Variants in NWD2 observed in about 807,000 individuals in gnomAD.
NWD2 encodes NACHT and WD repeat domain containing 2, also known as NACHT and WD repeat domain-containing protein 2.
In NWD2, 37 loss-of-function variants were observed where a neutral mutation model predicts 132.7. The ratio of observed to expected loss-of-function variants is 0.28; its 90% CI spans 0.21 to 0.37. The LOEUF (loss-of-function observed/expected upper bound fraction) is 0.37, where lower values mean the gene tolerates loss of function less well. Ranked by LOEUF, NWD2 falls within the 10% of genes least tolerant of loss-of-function variation. The pLI is 1.00. For missense variants in NWD2, 1,592 were observed against 2,122.4 expected, an observed-to-expected ratio of 0.75 and a Z score of 4.91; for synonymous variants, 705 against 803.0, an observed-to-expected ratio of 0.88 and a Z score of 2.06.
chr4:37,429,147 A>C (rs1712100097), intron 3 of NWD2, among the ~76,000 whole-genome samples: 1 of 152,230 alleles, frequency 6.6e-6, no homozygotes, highest in African/African-American at 2.4e-5. Context: ...TAAATGACCT[A>C]TGTAAATTTA....
intron 1 of NWD2, among the ~76,000 whole-genome samples, chr4:37,296,647 A>G (rs752487594): frequency 6.6e-6 from 1 of 152,122 alleles, no homozygotes; most frequent in South Asian, 2.1e-4. Flanking sequence ...CTATGAGTAC[A>G]TAGACATACA....
chr4:37,303,915 G>T (rs1483032509), intron 1 of NWD2, among the ~76,000 whole-genome samples: 14 of 152,108 alleles, frequency 9.2e-5, no homozygotes, highest in Non-Finnish European at 1.9e-4. Flanking sequence ...TTTCCAATGT[G>T]CATGCCTTTT....
chr4:37,407,277 T>C (rs1227801871), intron 3 of NWD2, among the ~76,000 whole-genome samples: 1 of 152,060 alleles, frequency 6.6e-6, no homozygotes, highest in African/African-American at 2.4e-5. Context: ...TACCAACTTA[T>C]AGGGAAGCTA....
intron 1 of NWD2, among the ~76,000 whole-genome samples, chr4:37,304,293 C>T (rs1393208813): frequency 6.6e-6 from 1 of 152,170 alleles, no homozygotes; most frequent in Non-Finnish European, 1.5e-5. Context: ...CAAGGCCCCT[C>T]CTCCAATACT....
intron 1 of NWD2, among the ~76,000 whole-genome samples, chr4:37,261,212 A>T (rs987366936): frequency 6.6e-6 from 1 of 152,104 alleles, no homozygotes; most frequent in Non-Finnish European, 1.5e-5. Flanking sequence ...GTGAAGAAGG[A>T]CACATCAGGC....
intron 1 of NWD2, among the ~76,000 whole-genome samples, chr4:37,308,492 G>T (rs28546597): frequency 0.025 from 3,854 of 152,258 alleles, 173 homozygotes; most frequent in African/African-American, 0.089. Context: ...TGGTCAGGGC[G>T]GCAGTCATTA....
At chr4:37,286,172 A>G (rs1161461370) in intron 1 of NWD2, among the ~76,000 whole-genome samples, 1 of 152,248 alleles carries the variant, frequency 6.6e-6, no homozygotes, top group Non-Finnish European at 1.5e-5. Context: ...ATAACTTCTA[A>G]TATGATTGGG....
intron 2 of NWD2, among the ~76,000 whole-genome samples, chr4:37,334,065 A>G (rs1349807290): frequency 2.6e-5 from 4 of 152,132 alleles, no homozygotes; most frequent in African/African-American, 7.2e-5. Flanking sequence ...GAGAGCTAGA[A>G]AATAGCCTCA....
chr4:37,283,687 A>G (rs979435286), intron 1 of NWD2, among the ~76,000 whole-genome samples: 1 of 152,172 alleles, frequency 6.6e-6, no homozygotes, highest in Admixed American at 6.5e-5. Context: ...AGAAATTTAT[A>G]TGTAGTAGTG....
rs142472872 is a variant in NWD2 at position 37,358,743 on chromosome 4, G to A, written c.357+2261G>A. Among the ~76,000 whole-genome samples the A allele has an allele frequency of 5.3e-5, 8 of 152,280 alleles. No homozygotes were observed. In the East Asian group the frequency reaches 1.5e-3, roughly 29 times the overall value. ...GCAGTTTTATAGTATTTCACACATAGTAATCCATTAAAAAGTGTTCGTTGT... is the reference window on the plus strand; with the variant it reads ...GCAGTTTTATAGTATTTCACACATAATAATCCATTAAAAAGTGTTCGTTGT... On this transcript the variant is annotated intron_variant, in intron 3 of 6. Coordinates refer to ENST00000309447, the MANE Select transcript of NWD2 (RefSeq NM_001144990.2).
rs560430046 is a variant in NWD2 at position 37,415,698 on chromosome 4, C to T, written c.358-14874C>T. Among the ~76,000 whole-genome samples the T allele has an allele frequency of 1.4e-3, 139 of 99,576 alleles. 2 individuals carry two copies. The highest frequency in any genetic ancestry group is 6.9e-3 in the African/African-American group (133 of 19,194). 65.3% of individuals were successfully genotyped at this position (99,576 alleles called of 152,430 possible). Reference sequence around the variant, plus strand: ...CAGCCTGGGCAACAGTGCAAGACTCCGTCTAAAAAAAAAAAAAAAAAATAG... The same window carrying T: ...CAGCCTGGGCAACAGTGCAAGACTCTGTCTAAAAAAAAAAAAAAAAAATAG... On this transcript the variant is annotated intron_variant, in intron 3 of 6. Coordinates refer to ENST00000309447, the MANE Select transcript of NWD2 (RefSeq NM_001144990.2).
chr4:37,278,029 G>A (rs570208051), intron 1 of NWD2, among the ~76,000 whole-genome samples: 22 of 152,118 alleles, frequency 1.4e-4, no homozygotes, highest in African/African-American at 5.3e-4. Context: ...TTTTCCTAGG[G>A]GTCATCTCAT....
chr4:37,316,489 G>C (rs140151888), intron 1 of NWD2, among the ~76,000 whole-genome samples: 31 of 152,080 alleles, frequency 2.0e-4, no homozygotes, highest in African/African-American at 6.7e-4. Context: ...TTGGGTTCTT[G>C]AACTTCTTTG....
chr4:37,308,610 T>G (rs900196655), intron 1 of NWD2, among the ~76,000 whole-genome samples: 6 of 152,086 alleles, frequency 3.9e-5, no homozygotes, highest in African/African-American at 1.2e-4. Context: ...GAGAGTGTGG[T>G]TGCTGGCAGT....
At chr4:37,256,617 A>G (rs1238599319) in intron 1 of NWD2, among the ~76,000 whole-genome samples, 1 of 152,238 alleles carries the variant, frequency 6.6e-6, no homozygotes, top group Non-Finnish European at 1.5e-5. Context: ...TTAAAAAAAG[A>G]TAATCTGCTA....
At chr4:37,416,020 T>C (rs1232704320) in intron 3 of NWD2, among the ~76,000 whole-genome samples, 2 of 152,208 alleles carry the variant, frequency 1.3e-5, no homozygotes, top group African/African-American at 4.8e-5. Flanking sequence ...AGCTGTTTTG[T>C]AAGGCATTCC....
At chr4:37,304,150 A>G (rs1578772) in intron 1 of NWD2, among the ~76,000 whole-genome samples, 45,661 of 152,046 alleles carry the variant, frequency 0.3, 8,506 homozygotes, top group African/African-American at 0.52. Flanking sequence ...GGTGGAAGGC[A>G]AAGGGAAAGC....
At chr4:37,246,488 C>T (rs1717247832) in intron 1 of NWD2, among the ~76,000 whole-genome samples, 1 of 152,092 alleles carries the variant, frequency 6.6e-6, no homozygotes. Context: ...TTACAGTTCA[C>T]TTTCAAAGAA....
chr4:37,318,708 A>T (rs1392715575), intron 1 of NWD2, among the ~76,000 whole-genome samples: 2 of 149,474 alleles, frequency 1.3e-5, no homozygotes, highest in African/African-American at 2.6e-5. Context: ...TTTATTATGT[A>T]AAATTATAAT....
Sources: allele counts gnomAD v4.1 joint callset (sites outside exome capture counted in the v4.1 genomes callset), GRCh38; gene constraint gnomAD v4.1.1; transcripts MANE v1.5; gene names NCBI Gene and HGNC (gene_info 2026-07-23, HGNC 2026-07-21).